Variants in UNC79 observed in about 807,000 individuals in gnomAD.
The protein encoded by UNC79 is protein unc-79 homolog.
In UNC79, 37 loss-of-function variants were observed where a neutral mutation model predicts 283.1. The observed-to-expected ratio is 0.13, with a 90% CI of 0.10 to 0.17. UNC79 has a LOEUF of 0.17. Among genes scored for constraint, UNC79 ranks in the 10% least tolerant of loss-of-function variants. The probability of loss-of-function intolerance (pLI) is 1.00; values close to 1 mark genes in which losing one functional copy is unlikely to be tolerated. For missense variants in UNC79, 2,272 were observed against 3,211.1 expected, an observed-to-expected ratio of 0.71 and a Z score of 7.07; for synonymous variants, 1,107 against 1,200.2, an observed-to-expected ratio of 0.92 and a Z score of 1.61.
chr14:93,619,321 C>T (rs1596100089), intron 29 of UNC79, among the ~76,000 whole-genome samples: 1 of 152,162 alleles, frequency 6.6e-6, no homozygotes, highest in Non-Finnish European at 1.5e-5. Context: ...ATGTTTTCAG[C>T]GTGGGCTTAG....
chr14:93,530,590 C>T (rs150997431), intron 10 of UNC79, among the ~76,000 whole-genome samples: 3,855 of 151,852 alleles, frequency 0.025, 67 homozygotes, highest in Non-Finnish European at 0.04. Context: ...CCAGCCTAGG[C>T]GACAGAGAAA....
intron 20 of UNC79, among the ~76,000 whole-genome samples, chr14:93,583,966 C>T (rs980805542): frequency 2.0e-5 from 3 of 152,022 alleles, no homozygotes; most frequent in Admixed American, 6.5e-5. Flanking sequence ...CCACCATGCC[C>T]GGCTAGTTTT....
At chr14:93,409,981 C>A (rs1342768737) in intron 1 of UNC79, among the ~76,000 whole-genome samples, 1 of 152,158 alleles carries the variant, frequency 6.6e-6, no homozygotes, top group Admixed American at 6.6e-5. Context: ...CAAAAAGCAC[C>A]TGCATAGGAA....
intron 1 of UNC79, among the ~76,000 whole-genome samples, chr14:93,417,063 T>G (rs1010983740): frequency 3.3e-5 from 5 of 152,278 alleles, no homozygotes; most frequent in East Asian, 3.9e-4. Context: ...ATCCTGTCAT[T>G]ATGATGTTAG....
At chr14:93,643,820 A>G in intron 34 of UNC79, 123 bp downstream of exon 37, 1 of 1,392,880 alleles carries the variant, frequency 7.2e-7, no homozygotes, top group Non-Finnish European at 9.7e-7. Context: ...TATTTGTGAC[A>G]TCAACTCAGA....
Position 93,531,628 on chromosome 14 carries a change from G to A in UNC79, c.1094-922G>A, listed in dbSNP as rs148164775. ...CCTACAGCTGGTTTTACACACACAC[G>A]TTAAGAGTGATATAAATTGATAATT... On this transcript the variant is annotated intron_variant, in intron 10 of 48. Transcript: ENST00000555664. This position sits in a 1 kb window ranked among gnomAD's most constrained non-coding sequence, Gnocchi z 4.2. Among the ~76,000 whole-genome samples, 87 of 152,312 alleles carry A rather than the reference G, an allele frequency of 5.7e-4. No individual in the cohort carries two copies. The highest frequency in any genetic ancestry group is 2.0e-3 in the African/African-American group (82 of 41,570).
chr14:93,418,798 G>T lies in UNC79; in HGVS notation c.-350-48873G>T, dbSNP rs2140065394. 1.3e-5 allele frequency among the ~76,000 whole-genome samples: 2 copies of T among 151,942 alleles called. 1 individual carries two copies. The highest frequency in any genetic ancestry group is 3.9e-4 in the East Asian group (2 of 5,128). ...AGACTGCTGTGCTAGCAATCAGTGA[G>T]ACTCCGTGGGCGTAGGATCCTCCAA... On this transcript the variant is annotated intron_variant, in intron 1 of 49. Coordinates refer to the UNC79 transcript ENST00000256339.
exon 30 of UNC79, chr14:93,622,507 G>A: frequency 6.2e-7 from 1 of 1,614,096 alleles, no homozygotes; most frequent in Middle Eastern, 1.6e-4. Context: ...CTCTCCCCGA[G>A]ATGTCGCTGG....
chr14:93,652,949 T>C (rs1424319977), intron 35 of UNC79, among the ~76,000 whole-genome samples: 1 of 152,220 alleles, frequency 6.6e-6, no homozygotes, highest in Non-Finnish European at 1.5e-5. Context: ...TTCGGCGTTA[T>C]TTTTTCCTGA....
chr14:93,497,090 G>C, intron 6 of UNC79, 67 bp from the exon 7 acceptor site: 2 of 1,536,610 alleles, frequency 1.3e-6, no homozygotes, highest in Non-Finnish European at 8.7e-7. Context: ...CTTTGGTAAT[G>C]TTGAAGTCTC....
chr14:93,546,455 C>T (rs1229540574), intron 14 of UNC79, among the ~76,000 whole-genome samples: 2 of 152,106 alleles, frequency 1.3e-5, no homozygotes, highest in East Asian at 3.9e-4. Context: ...AAAAGCAGAA[C>T]AGATTGTTAT....
At chr14:93,339,390 C>T (rs925601670) in intron 1 of UNC79, among the ~76,000 whole-genome samples, 1 of 152,118 alleles carries the variant, frequency 6.6e-6, no homozygotes. Context: ...AGCTCCACCT[C>T]CCGGGTTCAC....
At chr14:93,379,200 C>T (rs553493651) in intron 1 of UNC79, among the ~76,000 whole-genome samples, 58 of 152,192 alleles carry the variant, frequency 3.8e-4, no homozygotes, top group Middle Eastern at 3.4e-3. Context: ...CTTATTACTC[C>T]AGGTATAATC....
intron 1 of UNC79, 95 bp downstream of exon 1, chr14:93,431,146 C>G: frequency 5.6e-6 from 1 of 177,908 alleles, no homozygotes; most frequent in Non-Finnish European, 1.1e-5. Context: ...TGGCATTGTG[C>G]TGGTGCGGGG....
chr14:93,602,194 G>A (rs1156264219), intron 25 of UNC79, among the ~76,000 whole-genome samples: 1 of 152,160 alleles, frequency 6.6e-6, no homozygotes, highest in Admixed American at 6.6e-5. Flanking sequence ...ATGTCTAGAA[G>A]AGTTTTTCTG....
intron 1 of UNC79, among the ~76,000 whole-genome samples, chr14:93,449,157 C>T (rs2056555622): frequency 6.6e-6 from 1 of 152,140 alleles, no homozygotes; most frequent in South Asian, 2.1e-4. Flanking sequence ...TGTAGATTGT[C>T]AGTGGGTCTT....
intron 4 of UNC79, among the ~76,000 whole-genome samples, chr14:93,485,385 G>A (rs11160120): frequency 2.6e-5 from 4 of 151,176 alleles, no homozygotes; most frequent in Non-Finnish European, 4.4e-5. Flanking sequence ...CTTATTTCTC[G>A]TCCCTCTAAT....
intron 25 of UNC79, among the ~76,000 whole-genome samples, chr14:93,602,614 G>T (rs1194405458): frequency 6.6e-6 from 1 of 152,130 alleles, no homozygotes; most frequent in African/African-American, 2.4e-5. Context: ...AGGAATTTTA[G>T]AGTTGGTTTT....
chr14:93,570,084 C>T (rs1003225672), intron 14 of UNC79, among the ~76,000 whole-genome samples: 37 of 152,128 alleles, frequency 2.4e-4, no homozygotes, highest in African/African-American at 7.5e-4. Flanking sequence ...GTAAATGGAA[C>T]TACAGGTGCA....
Sources: gnomAD v4.1 joint callset for allele counts (sites outside exome capture counted in the v4.1 genomes callset) on GRCh38, gnomAD v4.1.1 for gene constraint, Gnocchi (gnomAD v3.1) non-coding constraint, MANE v1.5 for transcripts, NCBI Gene and HGNC (gene_info 2026-07-23, HGNC 2026-07-21) for gene names.